Variants in DIAPH2 observed in about 807,000 individuals in gnomAD.
The protein encoded by DIAPH2 is protein diaphanous homolog 2.
A neutral mutation model predicts 92.7 loss-of-function variants in DIAPH2; 35 were observed. That is an observed-to-expected ratio of 0.38 (90% confidence interval 0.29 to 0.50). The LOEUF (loss-of-function observed/expected upper bound fraction) is 0.50. Among genes scored for constraint, DIAPH2 ranks in the 20% least tolerant of loss-of-function variants. The pLI is 0.94. For synonymous variants in DIAPH2, 301 were observed against 280.4 expected (o/e 1.07, Z -0.73); for missense variants, 701 against 819.5 (o/e 0.86, Z 1.77).
chrX:97,050,433 A>G (rs1009803674), intron 17 of DIAPH2, among the ~76,000 whole-genome samples: 4 of 110,222 alleles, frequency 3.6e-5, no homozygotes, highest in African/African-American at 1.3e-4. Flanking sequence ...AGTATATTAA[A>G]AGAATTTATT....
intron 1 of DIAPH2, among the ~76,000 whole-genome samples, chrX:96,688,976 A>T (rs995674670): frequency 1.8e-5 from 2 of 109,762 alleles, no homozygotes; most frequent in Non-Finnish European, 3.8e-5. Context: ...GCAGTGTGAT[A>T]AGTTGCTATA....
intron 4 of DIAPH2, among the ~76,000 whole-genome samples, chrX:96,766,273 A>G (rs748454163): frequency 3.1e-4 from 34 of 109,057 alleles, no homozygotes; most frequent in Non-Finnish European, 5.9e-4. Flanking sequence ...AAACAGTATA[A>G]TGAGGTACGT....
At chrX:97,308,686 T>A (rs968104123) in intron 23 of DIAPH2, among the ~76,000 whole-genome samples, 67 of 98,083 alleles carry the variant, frequency 6.8e-4, no homozygotes, top group African/African-American at 2.4e-3. Context: ...ACTGGCATGA[T>A]CTCGGCTCAC....
chrX:97,579,146 C>G (rs1344187154), intron 26 of DIAPH2, among the ~76,000 whole-genome samples: 1 of 109,843 alleles, frequency 9.1e-6, no homozygotes, highest in Non-Finnish European at 1.9e-5. Flanking sequence ...ATGGTAGTTT[C>G]TTTTGCTGTG....
chrX:97,487,194 C>CAG (rs1166556676), intron 26 of DIAPH2, among the ~76,000 whole-genome samples: 2 of 112,271 alleles, frequency 1.8e-5, no homozygotes, highest in Non-Finnish European at 3.8e-5. Context: ...GGATTATTTC[C>CAG]CTATCTTGGC....
chrX:97,010,331 T>A (rs1420797031), intron 17 of DIAPH2, among the ~76,000 whole-genome samples: 1 of 93,710 alleles, frequency 1.1e-5, no homozygotes, highest in Non-Finnish European at 2.1e-5. Flanking sequence ...ATGTTGGGGG[T>A]GGGGAGTGGT....
chrX:96,918,540 G>T lies in DIAPH2; in HGVS notation c.901G>T (p.Ala301Ser). 8.3e-7 allele frequency: 1 copy of T among 1,205,277 alleles called. No homozygotes were observed. The highest frequency in any genetic ancestry group is 1.1e-6 in the Non-Finnish European group (1 of 892,031). Reference protein sequence around the residue: ...LDKLLGAITTAAERNNRERFS... With the variant: ...LDKLLGAITTSAERNNRERFS... Reference sequence around the variant, plus strand: ...TAAACTTTTAGGGGCTATAACAACAGCAGCAGAAAGAAATAACAGGGAACG... The same window carrying T: ...TAAACTTTTAGGGGCTATAACAACATCAGCAGAAAGAAATAACAGGGAACG... Residue 301 changes from alanine (A) to serine (S), a missense_variant, in exon 9 of 27, where the codon GCA (alanine) becomes TCA (serine). Coordinates refer to ENST00000324765, the MANE Select transcript of DIAPH2 (RefSeq NM_006729.5).
intron 22 of DIAPH2, among the ~76,000 whole-genome samples, chrX:97,246,170 T>G (rs2068141063): frequency 9.2e-6 from 1 of 108,624 alleles, no homozygotes; most frequent in Admixed American, 1.0e-4. Flanking sequence ...CACCTCAGCC[T>G]CCCAAAGTGC....
chrX:97,535,255 G>A (rs2071087016), intron 26 of DIAPH2, among the ~76,000 whole-genome samples: 1 of 111,943 alleles, frequency 8.9e-6, no homozygotes, highest in African/African-American at 3.2e-5. Flanking sequence ...TACAACAGGG[G>A]AAAGTGGGTA....
intron 26 of DIAPH2, among the ~76,000 whole-genome samples, chrX:97,578,121 A>T (rs2071410768): frequency 1.0e-5 from 1 of 97,245 alleles, no homozygotes; most frequent in African/African-American, 3.8e-5. Context: ...AGAACTAAGC[A>T]TTTGTTGCAG....
intron 5 of DIAPH2, among the ~76,000 whole-genome samples, chrX:96,896,388 A>G (rs2065345012): frequency 8.9e-6 from 1 of 111,822 alleles, no homozygotes; most frequent in African/African-American, 3.2e-5. Context: ...ATGAGAGTAT[A>G]TAAGAATTGA....
intron 4 of DIAPH2, among the ~76,000 whole-genome samples, chrX:96,771,699 G>T (rs1400445850): frequency 9.0e-6 from 1 of 110,915 alleles, no homozygotes; most frequent in African/African-American, 3.3e-5. Context: ...AGCCTTGTCG[G>T]CAGGGGAAAA....
chrX:97,036,633 A>ATGGGAATTT (rs1174408667), intron 17 of DIAPH2, among the ~76,000 whole-genome samples: 2 of 111,796 alleles, frequency 1.8e-5, no homozygotes, highest in African/African-American at 3.3e-5. Context: ...TAGAATAGGA[A>ATGGGAATTT]TGGGAATAAA....
chrX:97,048,484 A>G (rs115444443), intron 17 of DIAPH2, among the ~76,000 whole-genome samples: 3,078 of 111,450 alleles, frequency 0.028, 103 homozygotes, highest in African/African-American at 0.095. Flanking sequence ...TGGAGAAGTC[A>G]GTTTTCGATT....
chrX:96,863,014 G>A (rs1028271939), intron 4 of DIAPH2, among the ~76,000 whole-genome samples: 3 of 110,506 alleles, frequency 2.7e-5, no homozygotes, highest in Non-Finnish European at 3.8e-5. Context: ...TTCAGGTGTT[G>A]TGTAATACGT....
intron 20 of DIAPH2, among the ~76,000 whole-genome samples, chrX:97,102,329 T>C (rs1261058061): frequency 9.0e-6 from 1 of 111,647 alleles, no homozygotes; most frequent in Non-Finnish European, 1.9e-5. Context: ...CCCCATTCTT[T>C]TAACTTACCA....
In DIAPH2 at chrX:96,958,217, T is replaced by C. The variant is rs769082526; in HGVS notation, c.1935+69T>C. The C allele has an allele frequency of 2.1e-3, 2,283 of 1,106,749 alleles. 2 individuals are homozygous for C. Among genetic ancestry groups the C allele is most frequent in the Non-Finnish European group, 2.5e-3 (2,107 of 834,974 alleles). The allele number at this position is 1,106,749 out of a possible 1,213,427, so 91.2% of individuals were successfully genotyped here. On this transcript the variant is annotated intron_variant, in intron 16 of 26. Transcript: ENST00000324765. ...TGATCATTGCTATGTGTACACATTG[T>C]ATAATGTTTGAGAGTATGACTGCTG... is the stretch of plus-strand genomic sequence containing the variant.
chrX:96,792,120 A>G (rs747342683), intron 4 of DIAPH2, among the ~76,000 whole-genome samples: 51 of 111,859 alleles, frequency 4.6e-4, no homozygotes, highest in Admixed American at 9.5e-5. Context: ...AGGGGAATTT[A>G]CCTATAATAA....
intron 24 of DIAPH2, among the ~76,000 whole-genome samples, chrX:97,352,935 T>A (rs2069232580): frequency 9.3e-6 from 1 of 107,262 alleles, no homozygotes; most frequent in African/African-American, 3.4e-5. Flanking sequence ...CCCCTAAATT[T>A]AAGTTGCATA....
Sources: allele counts gnomAD v4.1 joint callset (sites outside exome capture counted in the v4.1 genomes callset), GRCh38; gene constraint gnomAD v4.1.1; transcripts MANE v1.5; gene names NCBI Gene and HGNC (gene_info 2026-07-23, HGNC 2026-07-21).